CDK15: variants seen among roughly 807,000 people sequenced by gnomAD.
CDK15 encodes cyclin dependent kinase 15.
A neutral mutation model predicts 60.3 loss-of-function variants in CDK15; 62 were observed. That is an observed-to-expected ratio of 1.03 (90% confidence interval 0.84 to 1.27). The LOEUF (loss-of-function observed/expected upper bound fraction) is 1.27. Ranked by LOEUF, CDK15 falls within the 50% of genes most tolerant of loss-of-function variation. The probability of loss-of-function intolerance (pLI) is 0.00; values close to 1 mark genes in which losing one functional copy is unlikely to be tolerated. For missense variants in CDK15, 541 were observed against 527.8 expected, an observed-to-expected ratio of 1.03 and a Z score of -0.25; for synonymous variants, 194 against 195.7, an observed-to-expected ratio of 0.99 and a Z score of 0.07.
chr2:201,890,837 C>T lies in CDK15; in HGVS notation c.1251C>T (p.Asp417=), dbSNP rs1223200623. The T allele has an allele frequency of 6.2e-7, 1 of 1,613,566 alleles. No individual in the cohort carries two copies. Among genetic ancestry groups the T allele is most frequent in the Non-Finnish European group, 8.5e-7 (1 of 1,179,824 alleles). ...TGAGGCTAAAGCCAGAAATGTGTGA[C>T]CTTTTGGCCTCCTACCAGAAAGGTC... The part of the protein sequence containing the change: ...SGVRLKPEMC[D]LLASYQKGHH... Residue 417 remains aspartate (D), a synonymous_variant, in exon 13 of 14, where the codon GAC becomes GAT. Transcript: ENST00000652192.
intron 7 of CDK15, 112 bp downstream of exon 7, chr2:201,834,083 A>C (rs1327879659): frequency 8.5e-6 from 11 of 1,286,726 alleles, no homozygotes; most frequent in Non-Finnish European, 1.1e-5. Context: ...CAAGAACATG[A>C]TGCTTTGTGA....
Position 201,857,082 on chromosome 2 carries a change from C to T in CDK15, c.1009+2145C>T, listed in dbSNP as rs1269104059. Reference sequence around the variant, plus strand: ...ACTAAAAATACAAAAAAAAATTAGCCGGGCGCGGTGGCGGGCGCCTGTAGT... The same window carrying T: ...ACTAAAAATACAAAAAAAAATTAGCTGGGCGCGGTGGCGGGCGCCTGTAGT... On this transcript the variant is annotated intron_variant, in intron 10 of 13. Transcript: ENST00000652192. Among the ~76,000 whole-genome samples, 3 of 79,802 alleles carry T rather than the reference C, an allele frequency of 3.8e-5. 1 individual carries two copies. Among genetic ancestry groups the T allele is most frequent in the Non-Finnish European group, 4.5e-5 (2 of 44,712 alleles). The allele number at this position is 79,802 out of a possible 152,430, so 52.4% of individuals were successfully genotyped here.
intron 11 of CDK15, among the ~76,000 whole-genome samples, chr2:201,878,107 A>G (rs931430954): frequency 6.6e-6 from 1 of 152,200 alleles, no homozygotes; most frequent in Non-Finnish European, 1.5e-5. Flanking sequence ...TCTGAATGTC[A>G]GACATCAGTC....
chr2:201,843,174 T>A (rs1697477238), intron 8 of CDK15, among the ~76,000 whole-genome samples: 1 of 151,964 alleles, frequency 6.6e-6, no homozygotes, highest in Non-Finnish European at 1.5e-5. Flanking sequence ...AATGAAAAAA[T>A]AAGATAAATT....
intron 4 of CDK15, among the ~76,000 whole-genome samples, chr2:201,821,396 G>A (rs967160): frequency 0.24 from 37,067 of 151,772 alleles, 4,811 homozygotes; most frequent in East Asian, 0.4. Flanking sequence ...AAGTGCCCCC[G>A]CTAGAAGGGA....
At chr2:201,858,572 G>A (rs1289395764) in intron 10 of CDK15, among the ~76,000 whole-genome samples, 1 of 152,094 alleles carries the variant, frequency 6.6e-6, no homozygotes, top group Non-Finnish European at 1.5e-5. Context: ...TGAAAAGTAG[G>A]CGCTTTTTTT....
rs549368046 is a variant in CDK15 at position 201,881,388 on chromosome 2, G to T, written c.1198+1221G>T. Among the ~76,000 whole-genome samples, 7 of 152,288 alleles carry T rather than the reference G, an allele frequency of 4.6e-5. No individual in the cohort carries two copies. The East Asian group carries it at 1.2e-3, about 25-fold the overall frequency. On this transcript the variant is annotated intron_variant, in intron 12 of 13. Coordinates refer to ENST00000652192, the MANE Select transcript of CDK15 (RefSeq NM_001366386.2). ...TTATTAAATTGCCATTAAGTGTCAAGAACATATTGAGTGCTATAAAAAGTT... is the reference window on the plus strand; with the variant it reads ...TTATTAAATTGCCATTAAGTGTCAATAACATATTGAGTGCTATAAAAAGTT...
In CDK15 at chr2:201,840,054, G is replaced by A. The variant is rs547458589; in HGVS notation, c.851+4291G>A. Among the ~76,000 whole-genome samples the A allele has an allele frequency of 6.4e-4, 97 of 151,176 alleles. 2 individuals carry two copies. The highest frequency in any genetic ancestry group is 3.4e-3 in the South Asian group (16 of 4,738). On this transcript the variant is annotated intron_variant, in intron 8 of 13. Coordinates refer to ENST00000652192, the MANE Select transcript of CDK15 (RefSeq NM_001366386.2). The stretch of plus-strand genomic sequence containing the variant: ...GCCTGGAATGCAGTGACTCAACCTC[G>A]GCTCACTGCAACCTCCACCTCCTGG...
intron 9 of CDK15, among the ~76,000 whole-genome samples, chr2:201,848,632 A>G (rs760153517): frequency 2.0e-5 from 3 of 152,110 alleles, no homozygotes; most frequent in Non-Finnish European, 4.4e-5. Flanking sequence ...GGTACCTCAT[A>G]TAAGTGGAAT....
intron 10 of CDK15, among the ~76,000 whole-genome samples, chr2:201,858,723 G>A (rs1318588342): frequency 6.6e-6 from 1 of 152,052 alleles, no homozygotes; most frequent in Non-Finnish European, 1.5e-5. Flanking sequence ...AAAAACCCTG[G>A]AACGTGAACT....
At chr2:201,807,009 C>T (rs1400322372) in intron 1 of CDK15, among the ~76,000 whole-genome samples, 1 of 152,156 alleles carries the variant, frequency 6.6e-6, no homozygotes, top group East Asian at 1.9e-4. Flanking sequence ...CTGCACGAAA[C>T]TCACTTGGCT....
chr2:201,880,673 C>T lies in CDK15; in HGVS notation c.1198+506C>T, dbSNP rs146131009. Among the ~76,000 whole-genome samples the T allele has an allele frequency of 9.0e-3, 1,363 of 152,276 alleles. 17 individuals are homozygous for T. The highest frequency in any genetic ancestry group is 0.031 in the African/African-American group (1,288 of 41,548). On this transcript the variant is annotated intron_variant, in intron 12 of 13. Coordinates refer to ENST00000652192, the MANE Select transcript of CDK15 (RefSeq NM_001366386.2). ...GTGCTGGGGGAAGGGAGGTCTCCTC[C>T]GAGGCTGCCCACCTCCTGTAAACAC...
chr2:201,840,185 A>G (rs1697315737), intron 8 of CDK15, among the ~76,000 whole-genome samples: 2 of 152,106 alleles, frequency 1.3e-5, no homozygotes, highest in Admixed American at 6.6e-5. Flanking sequence ...GAGTTTCGCC[A>G]TGTTGGCCAG....
At chr2:201,811,759 A>G (rs976700723) in intron 3 of CDK15, among the ~76,000 whole-genome samples, 3 of 152,152 alleles carry the variant, frequency 2.0e-5, no homozygotes, top group African/African-American at 7.2e-5. Flanking sequence ...GCGTGGAGAT[A>G]TGGTGGCTTT....
chr2:201,818,980 A>T (rs1356647496), intron 4 of CDK15, among the ~76,000 whole-genome samples: 1 of 138,228 alleles, frequency 7.2e-6, no homozygotes, highest in Admixed American at 7.1e-5. Flanking sequence ...AAAACAAAAC[A>T]AAACAAAAGT....
chr2:201,834,041 T>C, intron 7 of CDK15, 70 bp downstream of exon 7: 1 of 1,550,892 alleles, frequency 6.4e-7, no homozygotes, highest in Non-Finnish European at 8.7e-7. Flanking sequence ...GTTTAAGCGT[T>C]GACTGGGCCT....
chr2:201,807,040 T>C (rs960481385), intron 1 of CDK15, among the ~76,000 whole-genome samples: 1 of 152,208 alleles, frequency 6.6e-6, no homozygotes, highest in Admixed American at 6.5e-5. Context: ...AAAGTAGTTC[T>C]CTCAAAATCT....
chr2:201,806,716 C>G lies in CDK15; in HGVS notation c.52C>G (p.His18Asp). The change falls in exon 1 of 14, where the codon CAT becomes GAT. Residue 18 changes from histidine to aspartate, a missense_variant. By Grantham distance (81) the His-to-Asp change is moderately conservative. Transcript: ENST00000652192. Reference sequence around the variant, plus strand: ...TGTACAGCCTGGATGCAGCTGCTACCATTGTTCAGAGGGAGGCGAGGCACA... The same window carrying G: ...TGTACAGCCTGGATGCAGCTGCTACGATTGTTCAGAGGGAGGCGAGGCACA... Reference protein sequence around the residue: ...KTVQPGCSCYHCSEGGEAHSC... With the variant: ...KTVQPGCSCYDCSEGGEAHSC... The G allele has an allele frequency of 6.3e-7, 1 of 1,598,236 alleles. No individual in the cohort carries two copies. The highest frequency in any genetic ancestry group is 8.5e-7 in the Non-Finnish European group (1 of 1,179,678).
At chr2:201,868,267 C>T (rs1239314933) in intron 10 of CDK15, among the ~76,000 whole-genome samples, 4 of 152,172 alleles carry the variant, frequency 2.6e-5, no homozygotes, top group African/African-American at 4.8e-5. Flanking sequence ...ATTACATTTA[C>T]TATCCTACTT....
Sources: allele counts gnomAD v4.1 joint callset (sites outside exome capture counted in the v4.1 genomes callset), GRCh38; gene constraint gnomAD v4.1.1; transcripts MANE v1.5; gene names NCBI Gene and HGNC (gene_info 2026-07-23, HGNC 2026-07-21).